The following PAX5 variants were observed in gnomAD, a reference collection of about 807,000 sequenced individuals.
PAX5 encodes the protein paired box protein Pax-5.
In PAX5, 9 loss-of-function variants were observed where a neutral mutation model predicts 43.7. The ratio of observed to expected loss-of-function variants is 0.21; its 90% CI spans 0.12 to 0.36. The LOEUF (loss-of-function observed/expected upper bound fraction) is 0.36, where lower values mean the gene tolerates loss of function less well. Among genes scored for constraint, PAX5 ranks in the 10% least tolerant of loss-of-function variants. The pLI, the probability that PAX5 is intolerant of heterozygous loss-of-function variation, is 1.00. For missense variants in PAX5, 383 were observed against 532.7 expected (o/e 0.72, Z 2.77); for synonymous variants, 228 against 214.3 (o/e 1.06, Z -0.56).
intron 5 of PAX5, among the ~76,000 whole-genome samples, chr9:36,989,974 A>G (rs1836786489): frequency 6.6e-6 from 1 of 152,154 alleles, no homozygotes; most frequent in African/African-American, 2.4e-5. Flanking sequence ...TGATATTTTG[A>G]TGAACAGGCA....
At chr9:37,001,695 T>C (rs1837868006) in intron 5 of PAX5, among the ~76,000 whole-genome samples, 1 of 151,924 alleles carries the variant, frequency 6.6e-6, no homozygotes, top group African/African-American at 2.4e-5. Context: ...AGGCATGTGC[T>C]CATGAGAACA....
intron 1 of PAX5, among the ~76,000 whole-genome samples, chr9:37,022,449 G>A (rs1051409224): frequency 3.3e-5 from 5 of 152,194 alleles, no homozygotes; most frequent in Non-Finnish European, 5.9e-5. Flanking sequence ...AGAGCAGGCT[G>A]GATTTAAGTA....
chr9:36,890,439 C>T (rs183996489), intron 7 of PAX5, among the ~76,000 whole-genome samples: 1 of 152,264 alleles, frequency 6.6e-6, no homozygotes, highest in Admixed American at 6.5e-5. Context: ...TGCGAACTGG[C>T]AACTCTGTCT....
At chr9:36,936,564 G>C (rs1442914201) in intron 6 of PAX5, among the ~76,000 whole-genome samples, 1 of 152,182 alleles carries the variant, frequency 6.6e-6, no homozygotes, top group Non-Finnish European at 1.5e-5. Flanking sequence ...GGTCCAAAGG[G>C]AGGATCCCCA....
intron 5 of PAX5, among the ~76,000 whole-genome samples, chr9:36,972,615 G>A (rs2132228829): frequency 6.6e-6 from 1 of 152,300 alleles, no homozygotes; most frequent in South Asian, 2.1e-4. Flanking sequence ...CCTCTTGAAT[G>A]AGCACTCCTG....
chr9:36,961,648 G>T (rs1178266421), intron 6 of PAX5, among the ~76,000 whole-genome samples: 1 of 152,230 alleles, frequency 6.6e-6, no homozygotes, highest in Non-Finnish European at 1.5e-5. Flanking sequence ...ATAGCCTGGT[G>T]TTGGTTAATA....
chr9:36,853,668 A>G (rs1823378792), intron 8 of PAX5, among the ~76,000 whole-genome samples: 1 of 152,260 alleles, frequency 6.6e-6, no homozygotes, highest in Non-Finnish European at 1.5e-5. Flanking sequence ...GTCTTCCAAT[A>G]TAGAAGACGT....
intron 2 of PAX5, among the ~76,000 whole-genome samples, chr9:37,018,755 C>T (rs1482043087): frequency 6.6e-6 from 1 of 152,046 alleles, no homozygotes; most frequent in African/African-American, 2.4e-5. Context: ...ACAACTTAAA[C>T]GGTCAGGCAC....
chr9:36,973,705 A>C (rs1403748264), intron 5 of PAX5, among the ~76,000 whole-genome samples: 1 of 150,112 alleles, frequency 6.7e-6, no homozygotes, highest in Non-Finnish European at 1.5e-5. Context: ...CCATCTCTAC[A>C]AAAAAAAAAT....
At chr9:36,939,266 A>G (rs560801902) in intron 6 of PAX5, among the ~76,000 whole-genome samples, 1 of 152,214 alleles carries the variant, frequency 6.6e-6, no homozygotes, top group Non-Finnish European at 1.5e-5. Context: ...TTTACTGCTC[A>G]GTATGGGCTG....
At chr9:36,994,848 AATC>A (rs1457338865) in intron 5 of PAX5, among the ~76,000 whole-genome samples, 1 of 152,064 alleles carries the variant, frequency 6.6e-6, no homozygotes, top group African/African-American at 2.4e-5. Flanking sequence ...ACTAATTCAA[AATC>A]ATCATCAATA....
intron 6 of PAX5, among the ~76,000 whole-genome samples, chr9:36,964,165 G>C (rs551332210): frequency 1.3e-5 from 2 of 151,436 alleles, no homozygotes; most frequent in Non-Finnish European, 2.9e-5. Flanking sequence ...CCTGTAGTCC[G>C]TCCTACTCGG....
chr9:37,026,710 G>A (rs1840417203), intron 1 of PAX5: 2 of 1,288,914 alleles, frequency 1.6e-6, no homozygotes, highest in East Asian at 3.7e-5. Flanking sequence ...CTGGAGCTTC[G>A]GGGTCTCTCT....
intron 7 of PAX5, among the ~76,000 whole-genome samples, chr9:36,894,935 C>T (rs1189042045): frequency 6.6e-6 from 1 of 152,254 alleles, no homozygotes; most frequent in African/African-American, 2.4e-5. Flanking sequence ...GCCGTGTGAC[C>T]TTGGGCAGGT....
At chr9:36,953,226 T>C (rs1471523468) in intron 6 of PAX5, among the ~76,000 whole-genome samples, 2 of 152,224 alleles carry the variant, frequency 1.3e-5, no homozygotes, top group African/African-American at 4.8e-5. Context: ...TATTCTTGTT[T>C]CTCTATAAGT....
chr9:37,005,880 G>T (rs568190205), intron 4 of PAX5, among the ~76,000 whole-genome samples: 1 of 152,278 alleles, frequency 6.6e-6, no homozygotes, highest in South Asian at 2.1e-4. Flanking sequence ...GAACTCTTGA[G>T]CACTAGGAAG....
chr9:37,030,566 G>A (rs999873213), intron 1 of PAX5, among the ~76,000 whole-genome samples: 3 of 152,220 alleles, frequency 2.0e-5, no homozygotes, highest in Admixed American at 2.0e-4. Flanking sequence ...AGGGCTTTGG[G>A]CCGGGCCCTG....
At chr9:36,932,994 A>G (rs1351676845) in intron 6 of PAX5, among the ~76,000 whole-genome samples, 2 of 151,974 alleles carry the variant, frequency 1.3e-5, no homozygotes, top group Non-Finnish European at 2.9e-5. Flanking sequence ...CATCTCTACT[A>G]AAAATACAAA....
chr9:36,942,627 T>C (rs3780160), intron 6 of PAX5, among the ~76,000 whole-genome samples: 127,344 of 152,306 alleles, frequency 0.84, 53,610 homozygotes, highest in East Asian at 0.91. Context: ...TACTGGGCTT[T>C]GTTCTGCCTC....
Sources: allele counts gnomAD v4.1 joint callset (sites outside exome capture counted in the v4.1 genomes callset), GRCh38; gene constraint gnomAD v4.1.1; transcripts MANE v1.5; gene names NCBI Gene and HGNC (gene_info 2026-07-23, HGNC 2026-07-21).